Variants in RPS6KA6 observed in about 807,000 individuals in gnomAD.
RPS6KA6 encodes the protein ribosomal protein S6 kinase alpha-6.
A neutral mutation model predicts 65.4 loss-of-function variants in RPS6KA6; 27 were observed. That is an observed-to-expected ratio of 0.41 (90% confidence interval 0.30 to 0.57). The LOEUF is 0.57. Among genes scored for constraint, RPS6KA6 ranks in the 20% least tolerant of loss-of-function variants. The probability of loss-of-function intolerance (pLI) is 0.24; values close to 1 mark genes in which losing one functional copy is unlikely to be tolerated. For missense variants in RPS6KA6, 486 were observed against 555.6 expected (o/e 0.87, Z 1.26); for synonymous variants, 190 against 184.2 (o/e 1.03, Z -0.26).
intron 18 of RPS6KA6, among the ~76,000 whole-genome samples, chrX:84,101,554 A>G (rs752985341): frequency 1.8e-5 from 2 of 110,905 alleles, no homozygotes; most frequent in Non-Finnish European, 3.8e-5. Flanking sequence ...CCTAAAGACA[A>G]TCGAGGATAG....
At chrX:84,160,561 A>AT (rs1462376033) in intron 2 of RPS6KA6, among the ~76,000 whole-genome samples, 2 of 111,792 alleles carry the variant, frequency 1.8e-5, no homozygotes, top group East Asian at 5.6e-4. Flanking sequence ...CAAAAGAAGT[A>AT]TTTTTAAAGC....
At chrX:84,077,421 G>C (rs2033685286) in intron 20 of RPS6KA6, among the ~76,000 whole-genome samples, 1 of 111,761 alleles carries the variant, frequency 8.9e-6, no homozygotes, top group African/African-American at 3.2e-5. Flanking sequence ...CAGACAAGTA[G>C]ATCAGTGAAA....
chrX:84,171,996 T>C (rs1264868490), intron 1 of RPS6KA6, among the ~76,000 whole-genome samples: 2 of 111,657 alleles, frequency 1.8e-5, no homozygotes, highest in Non-Finnish European at 3.8e-5. Context: ...TCCATGTCCC[T>C]GCAAAGGACA....
intron 1 of RPS6KA6, among the ~76,000 whole-genome samples, chrX:84,182,060 C>T (rs1393716445): frequency 5.0e-5 from 4 of 79,398 alleles, no homozygotes; most frequent in Non-Finnish European, 7.5e-5. Flanking sequence ...CTCTCTCTCT[C>T]TCTCACACAC....
chrX:84,071,413 C>G (rs1426221427), intron 20 of RPS6KA6, among the ~76,000 whole-genome samples: 1 of 110,854 alleles, frequency 9.0e-6, no homozygotes, highest in African/African-American at 3.3e-5. Context: ...TTAGAAGCAC[C>G]TTGCCTAAAT....
intron 20 of RPS6KA6, among the ~76,000 whole-genome samples, chrX:84,095,428 T>C (rs2034132351): frequency 9.0e-6 from 1 of 111,566 alleles, no homozygotes; most frequent in Non-Finnish European, 1.9e-5. Context: ...TTGACTATTT[T>C]TTCCCCCAAA....
At chrX:84,142,834 G>A (rs10442393) in intron 6 of RPS6KA6, among the ~76,000 whole-genome samples, 5 of 111,091 alleles carry the variant, frequency 4.5e-5, no homozygotes, top group Middle Eastern at 4.6e-3. Flanking sequence ...ATTGATTTTG[G>A]AGTTAAATAC....
At chrX:84,177,797 A>C (rs1038494150) in intron 1 of RPS6KA6, among the ~76,000 whole-genome samples, 1 of 112,030 alleles carries the variant, frequency 8.9e-6, no homozygotes, top group East Asian at 2.8e-4. Flanking sequence ...TTTAAAAACT[A>C]AAATATAAAT....
intron 8 of RPS6KA6, among the ~76,000 whole-genome samples, chrX:84,132,276 T>G (rs1006296631): frequency 9.1e-6 from 1 of 110,031 alleles, no homozygotes; most frequent in Admixed American, 9.8e-5. Context: ...AAAAAATAGC[T>G]GGGTGTGGTG....
At chrX:84,132,923 A>C (rs984013305) in intron 8 of RPS6KA6, among the ~76,000 whole-genome samples, 14 of 111,038 alleles carry the variant, frequency 1.3e-4, no homozygotes, top group Non-Finnish European at 2.5e-4. Context: ...TGAAAAAAAA[A>C]AAAGTATTGC....
intron 1 of RPS6KA6, among the ~76,000 whole-genome samples, chrX:84,171,673 T>A (rs2035685704): frequency 8.9e-6 from 1 of 111,902 alleles, no homozygotes; most frequent in Non-Finnish European, 1.9e-5. Flanking sequence ...TTCCTTTTTT[T>A]AAAATTTTAT....
chrX:84,142,539 G>C (rs1470924363), intron 6 of RPS6KA6, among the ~76,000 whole-genome samples: 1 of 111,091 alleles, frequency 9.0e-6, no homozygotes, highest in Non-Finnish European at 1.9e-5. Flanking sequence ...ATAGAATACA[G>C]AAAAATCAAT....
intron 10 of RPS6KA6, 46 bp downstream of exon 10, chrX:84,117,338 G>A: frequency 1.0e-5 from 9 of 886,409 alleles, no homozygotes; most frequent in Non-Finnish European, 1.4e-5. Context: ...AAAACTGAAA[G>A]CAAGAGATTT....
rs1010363329 is a variant in RPS6KA6 at position 84,078,297 on chromosome X, T to C, written c.1972-13186A>G. Among the ~76,000 whole-genome samples, 5 of 112,279 alleles carry C rather than the reference T, an allele frequency of 4.5e-5. No homozygotes were observed. The East Asian group carries it at 8.4e-4, about 19-fold the overall frequency. On this transcript the variant is annotated intron_variant, in intron 20 of 21. Transcript: ENST00000262752. ...AAATAGCTAATTTTTTTAAAAAGGA[T>C]CATATCCAGTGTTGCCAAAGATGTG...
At chrX:84,133,662 T>C (rs1050664426) in intron 8 of RPS6KA6, among the ~76,000 whole-genome samples, 3 of 111,576 alleles carry the variant, frequency 2.7e-5, no homozygotes, top group Admixed American at 9.5e-5. Context: ...ACAAAAGAGG[T>C]ATACTTTATT....
At chrX:84,127,862 T>C (rs1235602529) in intron 8 of RPS6KA6, among the ~76,000 whole-genome samples, 1 of 110,561 alleles carries the variant, frequency 9.0e-6, no homozygotes, top group Non-Finnish European at 1.9e-5. Context: ...CCACAGTTAG[T>C]ATCATACTGA....
chrX:84,152,673 T>C (rs1480553895), intron 3 of RPS6KA6, among the ~76,000 whole-genome samples: 1 of 111,507 alleles, frequency 9.0e-6, no homozygotes, highest in Non-Finnish European at 1.9e-5. Context: ...TGCTGGACAC[T>C]GGGGGATACA....
chrX:84,094,653 T>A (rs992156145), intron 20 of RPS6KA6, among the ~76,000 whole-genome samples: 92 of 107,965 alleles, frequency 8.5e-4, no homozygotes, highest in African/African-American at 3.0e-3. Flanking sequence ...TCAAAAAAAA[T>A]AAAAATAAAT....
chrX:84,172,168 T>C (rs1015441362), intron 1 of RPS6KA6, among the ~76,000 whole-genome samples: 3 of 112,070 alleles, frequency 2.7e-5, no homozygotes, highest in African/African-American at 9.7e-5. Flanking sequence ...TGTTTATATA[T>C]AGTGCTGCAA....
Sources: allele counts gnomAD v4.1 joint callset (sites outside exome capture counted in the v4.1 genomes callset), GRCh38; gene constraint gnomAD v4.1.1; transcripts MANE v1.5; gene names NCBI Gene and HGNC (gene_info 2026-07-23, HGNC 2026-07-21).